The following CHRM3 variants were observed in gnomAD, a reference collection of about 807,000 sequenced individuals.
CHRM3 encodes the protein cholinergic receptor muscarinic 3.
Under a neutral mutation model 41.8 loss-of-function variants are expected in CHRM3, and 11 were observed. The ratio of observed to expected loss-of-function variants is 0.26; its 90% CI spans 0.17 to 0.44. The LOEUF is 0.44. Ranked by LOEUF, CHRM3 falls within the 20% of genes least tolerant of loss-of-function variation. CHRM3 has a pLI of 1.00. For synonymous variants in CHRM3, 297 were observed against 301.4 expected, an observed-to-expected ratio of 0.99 and a Z score of 0.15; for missense variants, 571 against 745.4, an observed-to-expected ratio of 0.77 and a Z score of 2.72.
At chr1:239,718,009 G>T (rs1276786347) in intron 5 of CHRM3, among the ~76,000 whole-genome samples, 1 of 152,050 alleles carries the variant, frequency 6.6e-6, no homozygotes, top group Admixed American at 6.6e-5. Flanking sequence ...ATAGGTGTAA[G>T]GAAAGAGTAG....
chr1:239,903,459 A>G (rs1457952278), intron 6 of CHRM3, among the ~76,000 whole-genome samples: 1 of 152,230 alleles, frequency 6.6e-6, no homozygotes, highest in Admixed American at 6.5e-5. Flanking sequence ...CCACAGCACC[A>G]GTCACCATAA....
chr1:239,862,658 T>C (rs1198146255), intron 6 of CHRM3, among the ~76,000 whole-genome samples: 10 of 152,206 alleles, frequency 6.6e-5, no homozygotes, highest in Non-Finnish European at 1.5e-4. Flanking sequence ...TAAGTACCTA[T>C]TATTTAGTAA....
chr1:239,759,315 G>GA (rs535876295), intron 5 of CHRM3, among the ~76,000 whole-genome samples: 2,051 of 124,180 alleles, frequency 0.017, 39 homozygotes, highest in African/African-American at 0.049. Flanking sequence ...ACATTATTTT[G>GA]AAAAAAAAAA....
At chr1:239,750,497 T>C (rs1228671083) in intron 5 of CHRM3, among the ~76,000 whole-genome samples, 1 of 152,216 alleles carries the variant, frequency 6.6e-6, no homozygotes, top group Non-Finnish European at 1.5e-5. Flanking sequence ...TTCTCACCAA[T>C]GTTAAGTTTA....
chr1:239,695,962 T>A (rs1470502805), intron 5 of CHRM3, among the ~76,000 whole-genome samples: 2 of 152,208 alleles, frequency 1.3e-5, no homozygotes, highest in African/African-American at 4.8e-5. Flanking sequence ...GTATACGCAT[T>A]GTTATATATA....
rs936567470 is a variant in CHRM3, at chr1:239,659,206, G to A, written c.-249-18980G>A. Among the ~76,000 whole-genome samples, 5 of 151,902 alleles carry A rather than the reference G, an allele frequency of 3.3e-5. No individual in the cohort carries two copies. The East Asian group carries it at 7.7e-4, about 23-fold the overall frequency. ...GTGTTCTCTGCTCCCTGTGTCTCTG[G>A]GGAGAAAGAAATTTTTCTCTTCCTC... is the stretch of plus-strand genomic sequence containing the variant. On this transcript the variant is annotated intron_variant, in intron 4 of 6. Transcript: ENST00000676153.
intron 6 of CHRM3, among the ~76,000 whole-genome samples, chr1:239,836,501 G>A (rs951738655): frequency 6.6e-6 from 1 of 152,110 alleles, no homozygotes; most frequent in African/African-American, 2.4e-5. Flanking sequence ...TGCAGCAGGA[G>A]CCCTCCTGTC....
chr1:239,451,338 G>A (rs183419697), intron 1 of CHRM3, among the ~76,000 whole-genome samples: 2 of 152,290 alleles, frequency 1.3e-5, no homozygotes, highest in Admixed American at 1.3e-4. Context: ...AATTTTATCA[G>A]ACAATACCAA....
At chr1:239,849,816 A>C (rs1037834763) in intron 6 of CHRM3, among the ~76,000 whole-genome samples, 2 of 152,190 alleles carry the variant, frequency 1.3e-5, no homozygotes, top group East Asian at 3.9e-4. Flanking sequence ...TGCTTTTAGC[A>C]AGTGCCTAAT....
intron 6 of CHRM3, among the ~76,000 whole-genome samples, chr1:239,847,266 C>T (rs540849178): frequency 1.3e-5 from 2 of 152,250 alleles, no homozygotes; most frequent in South Asian, 4.1e-4. Context: ...GCTACCTTTC[C>T]ACTACGTGGT....
intron 5 of CHRM3, among the ~76,000 whole-genome samples, chr1:239,720,501 C>T (rs546924100): frequency 5.8e-4 from 88 of 152,014 alleles, no homozygotes; most frequent in African/African-American, 2.1e-3. Flanking sequence ...TGCCACTCAA[C>T]GCCAGACTTT....
At chr1:239,816,042 G>A (rs913960817) in intron 5 of CHRM3, among the ~76,000 whole-genome samples, 9 of 151,660 alleles carry the variant, frequency 5.9e-5, no homozygotes, top group Non-Finnish European at 1.3e-4. Context: ...TTCTGGGGGG[G>A]AAAAAAGAAC....
At chr1:239,796,805 A>ACATTGTACC in intron 5 of CHRM3, among the ~76,000 whole-genome samples, 1 of 152,132 alleles carries the variant, frequency 6.6e-6, no homozygotes, top group Non-Finnish European at 1.5e-5. Context: ...CAAATAGTGT[A>ACATTGTACC]CATTGTACCC....
rs571991524 is a variant in CHRM3 at position 239,751,039 on chromosome 1, C to T, written c.-147+72751C>T. 2.0e-3 allele frequency among the ~76,000 whole-genome samples: 300 copies of T among 151,906 alleles called. 1 individual carries two copies. The highest frequency in any genetic ancestry group is 6.9e-3 in the African/African-American group (288 of 41,446). On this transcript the variant is annotated intron_variant, in intron 5 of 6. Coordinates refer to ENST00000676153, the MANE Select transcript of CHRM3 (RefSeq NM_001375978.1). ...GCTCCAGAGTTTGAGACCAGTCTAG[C>T]CAACATGGTGAAACTCCGTCTCTAC...
At chr1:239,613,167 C>G (rs973889652) in intron 3 of CHRM3, among the ~76,000 whole-genome samples, 5 of 152,068 alleles carry the variant, frequency 3.3e-5, no homozygotes, top group African/African-American at 1.2e-4. Flanking sequence ...ACCTAAGCAG[C>G]GAAGTGAAGA....
chr1:239,604,066 T>C (rs1665938774), intron 3 of CHRM3, among the ~76,000 whole-genome samples: 3 of 152,302 alleles, frequency 2.0e-5, no homozygotes, highest in Admixed American at 1.3e-4. Flanking sequence ...TAAAATACAT[T>C]AAAAAAGTTT....
At chr1:239,511,442 G>A (rs994028759) in intron 2 of CHRM3, among the ~76,000 whole-genome samples, 27 of 152,178 alleles carry the variant, frequency 1.8e-4, no homozygotes, top group African/African-American at 6.5e-4. Flanking sequence ...TTTTCCCTCT[G>A]GTGAGATTAA....
intron 1 of CHRM3, among the ~76,000 whole-genome samples, chr1:239,396,597 G>T (rs1659500488): frequency 6.6e-6 from 1 of 152,084 alleles, no homozygotes; most frequent in Admixed American, 6.6e-5. Context: ...CTGGGCAACA[G>T]AACAAGATCC....
chr1:239,548,200 C>T (rs975042117), intron 3 of CHRM3, among the ~76,000 whole-genome samples: 3 of 152,126 alleles, frequency 2.0e-5, no homozygotes, highest in Admixed American at 6.5e-5. Flanking sequence ...CCAAATGAGT[C>T]ATAATTTGTT....
Sources: gnomAD v4.1 joint callset for allele counts (sites outside exome capture counted in the v4.1 genomes callset) on GRCh38, gnomAD v4.1.1 for gene constraint, MANE v1.5 for transcripts, NCBI Gene and HGNC (gene_info 2026-07-23, HGNC 2026-07-21) for gene names.